Variants in OXCT1 observed in about 807,000 individuals in gnomAD.
OXCT1 encodes the protein 3-oxoacid CoA-transferase 1, also known as succinyl-CoA:3-ketoacid coenzyme A transferase 1, mitochondrial.
OXCT1 carries 27 observed loss-of-function variants against 69.6 expected under a neutral mutation model. That is an observed-to-expected ratio of 0.39 (90% CI 0.29 to 0.54). OXCT1 has a LOEUF of 0.54. Among genes scored for constraint, OXCT1 ranks in the 20% least tolerant of loss-of-function variants. OXCT1 has a pLI of 0.72. For missense variants in OXCT1, 437 were observed against 650.2 expected, an observed-to-expected ratio of 0.67 and a Z score of 3.57; for synonymous variants, 202 against 217.8, an observed-to-expected ratio of 0.93 and a Z score of 0.64.
intron 8 of OXCT1, 31 bp from the exon 9 acceptor site, chr5:41,805,712 G>T: frequency 7.2e-7 from 1 of 1,386,656 alleles, no homozygotes. Context: ...AATTATTCGT[G>T]GTTGAGGTAT....
At chr5:41,806,896 A>G (rs1339780807) in intron 8 of OXCT1, among the ~76,000 whole-genome samples, 2 of 152,046 alleles carry the variant, frequency 1.3e-5, no homozygotes, top group Non-Finnish European at 2.9e-5. Flanking sequence ...CCACAGCCTG[A>G]AGCTAATTAG....
At chr5:41,753,310 GACACACACAC>G (rs56169527) in intron 14 of OXCT1, among the ~76,000 whole-genome samples, 4 of 149,886 alleles carry the variant, frequency 2.7e-5, no homozygotes, top group African/African-American at 9.8e-5. Context: ...CACACACATA[GACACACACAC>G]ACACACACAC....
chr5:41,771,411 GTT>G (rs999244759), intron 13 of OXCT1, among the ~76,000 whole-genome samples: 1 of 152,020 alleles, frequency 6.6e-6, no homozygotes, highest in Non-Finnish European at 1.5e-5. Flanking sequence ...GTGTGACAAA[GTT>G]TTTTTTGTTG....
At chr5:41,822,902 T>C (rs554965018) in intron 7 of OXCT1, among the ~76,000 whole-genome samples, 1 of 152,334 alleles carries the variant, frequency 6.6e-6, no homozygotes, top group African/African-American at 2.4e-5. Flanking sequence ...CCACTGTGAG[T>C]CTTAATTGTT....
At chr5:41,845,172 C>G (rs11739106) in intron 5 of OXCT1, among the ~76,000 whole-genome samples, 28,273 of 152,120 alleles carry the variant, frequency 0.19, 2,816 homozygotes, top group Middle Eastern at 0.29. Context: ...TCCCCAAACA[C>G]GGCAAGCCTG....
chr5:41,814,026 G>A (rs1363938123), intron 7 of OXCT1, among the ~76,000 whole-genome samples: 1 of 151,906 alleles, frequency 6.6e-6, no homozygotes, highest in Non-Finnish European at 1.5e-5. Flanking sequence ...CAATCCTAGG[G>A]TCACTGTACA....
intron 9 of OXCT1, among the ~76,000 whole-genome samples, chr5:41,804,707 G>A (rs1746588698): frequency 6.6e-6 from 1 of 151,912 alleles, no homozygotes; most frequent in African/African-American, 2.4e-5. Context: ...CAAAAATGAG[G>A]TAGAGGTAAA....
chr5:41,750,135 GTTTTTTTT>G (rs11291155), intron 14 of OXCT1, among the ~76,000 whole-genome samples: 9 of 73,924 alleles, frequency 1.2e-4, no homozygotes, highest in African/African-American at 2.2e-4. Context: ...GTGTTTTTTG[GTTTTTTTT>G]TTTTTTTTTT....
intron 13 of OXCT1, among the ~76,000 whole-genome samples, chr5:41,768,816 C>T (rs920544076): frequency 4.6e-5 from 7 of 152,178 alleles, no homozygotes; most frequent in Admixed American, 6.5e-5. Context: ...CATCTGAATA[C>T]GTTGCTCCTC....
intron 7 of OXCT1, among the ~76,000 whole-genome samples, chr5:41,817,506 G>A (rs1037763105): frequency 1.3e-5 from 2 of 152,080 alleles, no homozygotes; most frequent in Admixed American, 1.3e-4. Flanking sequence ...TAATTATTCT[G>A]GATATTGAAC....
intron 7 of OXCT1, among the ~76,000 whole-genome samples, chr5:41,824,978 A>G (rs1342973235): frequency 1.3e-5 from 2 of 152,234 alleles, no homozygotes; most frequent in African/African-American, 4.8e-5. Context: ...ATACATGGCA[A>G]AACTTGTATC....
intron 7 of OXCT1, among the ~76,000 whole-genome samples, chr5:41,832,933 A>C (rs1748171027): frequency 1.3e-5 from 2 of 152,196 alleles, no homozygotes; most frequent in Non-Finnish European, 1.5e-5. Flanking sequence ...CTAAGCTTGA[A>C]GACAGGCTTA....
chr5:41,833,810 T>C (rs1748215447), intron 7 of OXCT1, among the ~76,000 whole-genome samples: 2 of 152,078 alleles, frequency 1.3e-5, no homozygotes, highest in African/African-American at 4.8e-5. Context: ...CTGTAATCCC[T>C]GCACTTTTGG....
chr5:41,849,644 C>T (rs1337833130), intron 5 of OXCT1, among the ~76,000 whole-genome samples: 1 of 152,154 alleles, frequency 6.6e-6, no homozygotes, highest in Non-Finnish European at 1.5e-5. Flanking sequence ...TTTCTTCCTA[C>T]AGTCACTTTA....
intron 13 of OXCT1, among the ~76,000 whole-genome samples, chr5:41,792,673 T>A (rs1053200340): frequency 6.6e-6 from 1 of 152,250 alleles, no homozygotes; most frequent in Non-Finnish European, 1.5e-5. Context: ...CTAACCCTTG[T>A]AACTATGGCT....
intron 3 of OXCT1, among the ~76,000 whole-genome samples, chr5:41,859,891 T>TATATATATGTA (rs1749652746): frequency 8.8e-6 from 1 of 114,208 alleles, no homozygotes; most frequent in African/African-American, 3.0e-5. Flanking sequence ...ATATATGTAA[T>TATATATATGTA]ATATATATAT....
At chr5:41,827,834 A>T (rs10072903) in intron 7 of OXCT1, among the ~76,000 whole-genome samples, 1,771 of 152,332 alleles carry the variant, frequency 0.012, 36 homozygotes, top group African/African-American at 0.041. Context: ...GGTGGGGGAA[A>T]AAAAGAGTAA....
chr5:41,867,264 C>G (rs1477110756), intron 1 of OXCT1, among the ~76,000 whole-genome samples: 1 of 152,270 alleles, frequency 6.6e-6, no homozygotes, highest in East Asian at 1.9e-4. Context: ...CTCATTATTT[C>G]TTTCCTTCAC....
chr5:41,832,644 G>A (rs886236653), intron 7 of OXCT1, among the ~76,000 whole-genome samples: 1 of 151,978 alleles, frequency 6.6e-6, no homozygotes, highest in Non-Finnish European at 1.5e-5. Flanking sequence ...ACAATCTAGG[G>A]AAGCATGACC....
Sources: allele counts gnomAD v4.1 joint callset (sites outside exome capture counted in the v4.1 genomes callset), GRCh38; gene constraint gnomAD v4.1.1; transcripts MANE v1.5; gene names NCBI Gene and HGNC (gene_info 2026-07-23, HGNC 2026-07-21).